SLMAP: variants seen among roughly 807,000 people sequenced by gnomAD.
The protein encoded by SLMAP is sarcolemma associated protein, also known as sarcolemmal membrane-associated protein.
In SLMAP, 44 loss-of-function variants were observed where a neutral mutation model predicts 128.8. The observed-to-expected ratio is 0.34, with a 90% CI of 0.27 to 0.44. SLMAP has a LOEUF of 0.44. Among genes scored for constraint, SLMAP ranks in the 20% least tolerant of loss-of-function variants. The probability of loss-of-function intolerance (pLI) is 1.00; values close to 1 mark genes in which losing one functional copy is unlikely to be tolerated. For missense variants in SLMAP, 787 were observed against 985.3 expected (o/e 0.80, Z 2.69); for synonymous variants, 327 against 348.8 (o/e 0.94, Z 0.70).
chr3:57,823,122 G>A (rs377013013), intron 2 of SLMAP, among the ~76,000 whole-genome samples: 2 of 152,202 alleles, frequency 1.3e-5, no homozygotes, highest in South Asian at 2.1e-4. Context: ...TTGCTGGGGG[G>A]AAAAATGGAC....
chr3:57,778,223 C>G (rs2082302642), intron 2 of SLMAP, among the ~76,000 whole-genome samples: 1 of 152,026 alleles, frequency 6.6e-6, no homozygotes, highest in South Asian at 2.1e-4. Flanking sequence ...TATTTTGTAT[C>G]TTTCAGGAAA....
chr3:57,840,020 C>A (rs771002044), intron 3 of SLMAP, among the ~76,000 whole-genome samples: 8 of 152,096 alleles, frequency 5.3e-5, no homozygotes, highest in Non-Finnish European at 7.4e-5. Context: ...GGGGTTTTGC[C>A]ATGTTGGCCA....
intron 15 of SLMAP, among the ~76,000 whole-genome samples, chr3:57,892,807 CACAT>C (rs1203823735): frequency 2.0e-5 from 3 of 148,424 alleles, no homozygotes; most frequent in African/African-American, 7.5e-5. Flanking sequence ...CACACACACA[CACAT>C]ACACACACAA....
At chr3:57,920,750 C>T (rs1056263860) in intron 22 of SLMAP, among the ~76,000 whole-genome samples, 2 of 152,104 alleles carry the variant, frequency 1.3e-5, no homozygotes, top group African/African-American at 2.4e-5. Context: ...TGCGGTGGCT[C>T]ACACCTGTAA....
At chr3:57,851,299 C>G (rs1439247628) in intron 6 of SLMAP, among the ~76,000 whole-genome samples, 2 of 150,584 alleles carry the variant, frequency 1.3e-5, no homozygotes, top group African/African-American at 4.9e-5. Context: ...CAAGTTAATG[C>G]CATATTTAAA....
At chr3:57,907,795 G>A in intron 17 of SLMAP, 89 bp from the exon 18 acceptor site, 1 of 1,275,570 alleles carries the variant, frequency 7.8e-7, no homozygotes, top group Non-Finnish European at 1.1e-6. Context: ...GTTTATGCAT[G>A]TGCAAACATG....
chr3:57,804,628 C>T (rs1192167962), intron 2 of SLMAP, among the ~76,000 whole-genome samples: 1 of 151,870 alleles, frequency 6.6e-6, no homozygotes, highest in African/African-American at 2.4e-5. Context: ...ACTTGTAGTC[C>T]CAGCTACCTG....
At chr3:57,805,493 C>T (rs1358571770) in intron 2 of SLMAP, among the ~76,000 whole-genome samples, 2 of 152,226 alleles carry the variant, frequency 1.3e-5, no homozygotes, top group Non-Finnish European at 2.9e-5. Flanking sequence ...CTACCAACTG[C>T]TGCCTTTATC....
At chr3:57,869,043 A>T (rs1442065386) in intron 13 of SLMAP, among the ~76,000 whole-genome samples, 1 of 139,624 alleles carries the variant, frequency 7.2e-6, no homozygotes, top group African/African-American at 2.7e-5. Context: ...TATAATATAT[A>T]TTATATATAT....
chr3:57,870,295 C>T (rs1472511820), intron 13 of SLMAP, among the ~76,000 whole-genome samples: 1 of 152,042 alleles, frequency 6.6e-6, no homozygotes, highest in South Asian at 2.1e-4. Flanking sequence ...TACTATTATA[C>T]TGAGGGCTCC....
intron 4 of SLMAP, among the ~76,000 whole-genome samples, chr3:57,844,262 T>TGAGCGCCTGTAGTCCCAGCTACTCAG (rs1418718667): frequency 1.3e-5 from 2 of 152,066 alleles, no homozygotes; most frequent in Admixed American, 1.3e-4. Context: ...GGCGTGGTGG[T>TGAGCGCCTGTAGTCCCAGCTACTCAG]GAGCGCCTGT....
chr3:57,778,861 G>T (rs903463138), intron 2 of SLMAP, among the ~76,000 whole-genome samples: 3 of 151,918 alleles, frequency 2.0e-5, no homozygotes, highest in Non-Finnish European at 2.9e-5. Flanking sequence ...ATCATGTAAT[G>T]TTATAACCAT....
chr3:57,785,275 A>G lies in SLMAP; in HGVS notation c.198+27426A>G, dbSNP rs1576449187. On this transcript the variant is annotated intron_variant, in intron 2 of 24. Transcript: ENST00000671191. ...CATAGTTGCCTTACACCCTGAGAGA[A>G]TGAGCCATTTTAACAAATAGGATTT... is the stretch of plus-strand genomic sequence containing the variant. Among the ~76,000 whole-genome samples the G allele has an allele frequency of 5.3e-5, 8 of 152,318 alleles. 1 individual carries two copies. The highest frequency in any genetic ancestry group is 5.2e-4 in the Admixed American group (8 of 15,298).
intron 2 of SLMAP, among the ~76,000 whole-genome samples, chr3:57,798,371 G>A (rs2087296016): frequency 6.6e-6 from 1 of 152,098 alleles, no homozygotes; most frequent in African/African-American, 2.4e-5. Flanking sequence ...AGGGTATTTT[G>A]TAGTCCTTTT....
At chr3:57,855,730 A>AAAC (rs1322393261) in intron 6 of SLMAP, among the ~76,000 whole-genome samples, 1 of 150,638 alleles carries the variant, frequency 6.6e-6, no homozygotes, top group Non-Finnish European at 1.5e-5. Context: ...AAAAAACAAA[A>AAAC]AAAAAAACTT....
intron 2 of SLMAP, among the ~76,000 whole-genome samples, chr3:57,794,076 C>CA (rs1036209953): frequency 5.9e-5 from 9 of 151,740 alleles, no homozygotes; most frequent in African/African-American, 1.9e-4. Flanking sequence ...TTCTTAAAAA[C>CA]AAAAAAACAG....
chr3:57,858,946 A>T (rs2094918155), intron 8 of SLMAP, among the ~76,000 whole-genome samples: 1 of 152,100 alleles, frequency 6.6e-6, no homozygotes, highest in Non-Finnish European at 1.5e-5. Flanking sequence ...CTGTCTCAAC[A>T]ACAACAACAA....
chr3:57,811,059 A>T (rs2090874307), intron 2 of SLMAP, among the ~76,000 whole-genome samples: 1 of 152,060 alleles, frequency 6.6e-6, no homozygotes, highest in African/African-American at 2.4e-5. Context: ...AGCTGCCTTT[A>T]AAAAAATTTT....
In SLMAP at chr3:57,757,731, C is replaced by A. The variant is rs1359666181; in HGVS notation, c.80C>A (p.Pro27His). The change falls in exon 2 of 25, where the codon CCC becomes CAC. Residue 27 changes from proline to histidine, a missense_variant. Coordinates refer to ENST00000671191, the MANE Select transcript of SLMAP (RefSeq NM_001377540.1). ...FQERHVYLDE[P>H]IKIGRSVARC... is the part of the protein sequence containing the mutation. ...GAGCGTCATGTCTACCTGGACGAGC[C>A]CATCAAAATCGGCCGCTCAGTGGCC... The A allele has an allele frequency of 6.2e-7, 1 of 1,614,140 alleles. No homozygotes were observed. The highest frequency in any genetic ancestry group is 1.7e-5 in the Admixed American group (1 of 60,014).
Sources: allele counts gnomAD v4.1 joint callset (sites outside exome capture counted in the v4.1 genomes callset), GRCh38; gene constraint gnomAD v4.1.1; transcripts MANE v1.5; gene names NCBI Gene and HGNC (gene_info 2026-07-23, HGNC 2026-07-21).